The following TOPAZ1 variants were observed in gnomAD, a reference collection of about 807,000 sequenced individuals.
The protein encoded by TOPAZ1 is testis and ovary specific TOPAZ 1, also known as protein TOPAZ1.
Under a neutral mutation model 172.2 loss-of-function variants are expected in TOPAZ1, and 66 were observed. The observed-to-expected ratio is 0.38, with a 90% CI of 0.31 to 0.47. The LOEUF (loss-of-function observed/expected upper bound fraction) is 0.47, where lower values mean the gene tolerates loss of function less well. Ranked by LOEUF, TOPAZ1 falls within the 20% of genes least tolerant of loss-of-function variation. TOPAZ1 has a pLI of 0.99. For missense variants in TOPAZ1, 1,822 were observed against 1,972.4 expected (o/e 0.92, Z 1.44); for synonymous variants, 681 against 683.9 (o/e 1.00, Z 0.07).
downstream of TOPAZ1, among the ~76,000 whole-genome samples, chr3:44,332,672 A>T (rs1162973518): frequency 1.3e-5 from 2 of 152,212 alleles, no homozygotes; most frequent in Non-Finnish European, 2.9e-5. Context: ...TCATATTCAG[A>T]ATCTGTATCA....
intron 16 of TOPAZ1, among the ~76,000 whole-genome samples, chr3:44,313,394 G>A (rs1471119471): frequency 2.6e-5 from 4 of 151,780 alleles, no homozygotes; most frequent in South Asian, 2.1e-4. Flanking sequence ...GGCGGATCAC[G>A]AGGTCAGGAG....
chr3:44,257,581 A>G (rs1699729686), intron 4 of TOPAZ1, among the ~76,000 whole-genome samples: 1 of 150,770 alleles, frequency 6.6e-6, no homozygotes, highest in African/African-American at 2.4e-5. Flanking sequence ...TTACCATGGT[A>G]GTAATTACTT....
chr3:44,302,003 T>C (rs967284991), intron 12 of TOPAZ1, among the ~76,000 whole-genome samples: 4 of 152,236 alleles, frequency 2.6e-5, no homozygotes, highest in South Asian at 2.1e-4. Flanking sequence ...ACTTCATTTT[T>C]ACAGTTAGGT....
intron 11 of TOPAZ1, among the ~76,000 whole-genome samples, chr3:44,288,929 G>A (rs1435773166): frequency 6.6e-6 from 1 of 152,100 alleles, no homozygotes; most frequent in East Asian, 1.9e-4. Flanking sequence ...CTATTTCAGG[G>A]TTCAGTAATA....
chr3:44,263,113 A>T (rs1490451881), intron 5 of TOPAZ1, among the ~76,000 whole-genome samples: 1 of 152,192 alleles, frequency 6.6e-6, no homozygotes, highest in East Asian at 1.9e-4. Context: ...GGATGGGCCT[A>T]TCAATCTGTT....
chr3:44,294,977 C>A (rs573480830), intron 12 of TOPAZ1, among the ~76,000 whole-genome samples: 1 of 152,186 alleles, frequency 6.6e-6, no homozygotes, highest in South Asian at 2.1e-4. Flanking sequence ...AAAACTTTCA[C>A]ATTTAAAGTG....
chr3:44,271,742 CT>C (rs918994350), intron 8 of TOPAZ1, among the ~76,000 whole-genome samples: 22 of 151,880 alleles, frequency 1.4e-4, no homozygotes, highest in African/African-American at 5.3e-4. Flanking sequence ...AAGATACTAT[CT>C]TTTTTTGTGG....
chr3:44,246,047 A>T lies in TOPAZ1; in HGVS notation c.2765+776A>T, dbSNP rs186342636. On this transcript the variant is annotated intron_variant, in intron 2 of 19. Coordinates refer to ENST00000309765, the MANE Select transcript of TOPAZ1 (RefSeq NM_001145030.2). ...TTCAGGGGACAGAGACGCCTTGGAA[A>T]TTTTTATTTGAAGTAATTAGGGCTT... Among the ~76,000 whole-genome samples, 633 of 152,318 alleles carry T rather than the reference A, an allele frequency of 4.2e-3. 10 individuals are homozygous for T. Among genetic ancestry groups the T allele is most frequent in the African/African-American group, 0.015 (605 of 41,566 alleles).
At chr3:44,305,490 C>T (rs1372254182) in intron 14 of TOPAZ1, among the ~76,000 whole-genome samples, 169 bp downstream of exon 14, 1 of 152,176 alleles carries the variant, frequency 6.6e-6, no homozygotes, top group Admixed American at 6.5e-5. Context: ...CTGCCTCAGC[C>T]TCCCAAGTAG....
At chr3:44,315,912 T>G (rs1040154191) in intron 16 of TOPAZ1, among the ~76,000 whole-genome samples, 1 of 151,984 alleles carries the variant, frequency 6.6e-6, no homozygotes, top group Admixed American at 6.6e-5. Context: ...TTTGCTTGAG[T>G]TTTTATAGTA....
intron 5 of TOPAZ1, among the ~76,000 whole-genome samples, chr3:44,265,327 C>A (rs553690276): frequency 1.3e-4 from 20 of 152,120 alleles, no homozygotes; most frequent in Non-Finnish European, 2.5e-4. Context: ...TTCGGGAGGC[C>A]AAGGTGGGTG....
At chr3:44,303,138 A>G (rs1472156476) in intron 12 of TOPAZ1, among the ~76,000 whole-genome samples, 3 of 152,158 alleles carry the variant, frequency 2.0e-5, no homozygotes, top group Non-Finnish European at 2.9e-5. Context: ...CAGGCTGTCT[A>G]TCTAGTTTAA....
intron 12 of TOPAZ1, among the ~76,000 whole-genome samples, chr3:44,291,839 C>T (rs1700141818): frequency 6.6e-6 from 1 of 152,120 alleles, no homozygotes; most frequent in African/African-American, 2.4e-5. Flanking sequence ...CCAGAAATCT[C>T]CAATATGGAG....
intron 19 of TOPAZ1, among the ~76,000 whole-genome samples, chr3:44,330,450 CCTCT>C (rs1425579638): frequency 6.6e-6 from 1 of 152,186 alleles, no homozygotes; most frequent in Non-Finnish European, 1.5e-5. Context: ...GTTACATTTA[CCTCT>C]CTCTATGAGA....
intron 2 of TOPAZ1, among the ~76,000 whole-genome samples, chr3:44,249,092 T>G (rs969939948): frequency 1.4e-4 from 21 of 152,180 alleles, no homozygotes; most frequent in African/African-American, 5.1e-4. Context: ...GATCTGAGGA[T>G]TTCCATAATA....
chr3:44,290,935 G>A (rs1202368137), intron 12 of TOPAZ1, 49 bp downstream of exon 12: 5 of 1,233,718 alleles, frequency 4.1e-6, no homozygotes, highest in East Asian at 2.7e-5. Flanking sequence ...GTCTTGGTGG[G>A]GACTTATAAA....
Position 44,243,504 on chromosome 3 carries a change from G to A in TOPAZ1, c.998G>A (p.Arg333Lys). Residue 333 changes from arginine to lysine, a missense_variant, in exon 2 of 20, where the codon AGG becomes AAG. Physicochemically the swap from Arg to Lys is conservative, Grantham distance 26. Around this residue, in one of 2 missense-constraint regions of TOPAZ1, gnomAD observed 1,489 missense variants for 1,490.8 expected, o/e 1.00. Transcript: ENST00000309765. ...AGTGTTGGGCGAAAACCCAGGAAAA[G>A]GATGAAGTTGTCTGAAAAAGCAGAT... ...ESSVGRKPRK[R>K]MKLSEKADET... 1 of 1,551,666 alleles carries A rather than the reference G, an allele frequency of 6.4e-7. No individual in the cohort carries two copies. Among genetic ancestry groups the A allele is most frequent in the Non-Finnish European group, 8.7e-7 (1 of 1,146,950 alleles).
In TOPAZ1 at chr3:44,244,778, T is replaced by G; in HGVS notation, c.2272T>G (p.Ser758Ala). The G allele has an allele frequency of 6.4e-7, 1 of 1,551,600 alleles. No homozygotes were observed. The highest frequency in any genetic ancestry group is 8.7e-7 in the Non-Finnish European group (1 of 1,146,970). ...TAGTGTAACTCCAGTGCAAGCTAGT[T>G]CTGACTCATTCTACAATAAGAAATC... ...RNSVTPVQAS[S>A]DSFYNKKSYS... The change falls in exon 2 of 20, where the codon TCT becomes GCT. Residue 758 changes from serine to alanine, a missense_variant. By Grantham distance (99) the Ser-to-Ala change is moderately conservative. Coordinates refer to ENST00000309765, the MANE Select transcript of TOPAZ1 (RefSeq NM_001145030.2).
At chr3:44,257,567 A>G (rs1465601522) in intron 4 of TOPAZ1, among the ~76,000 whole-genome samples, 1 of 149,658 alleles carries the variant, frequency 6.7e-6, no homozygotes, top group Non-Finnish European at 1.5e-5. Context: ...GTCAATTTTT[A>G]GGTTTACCAT....
Sources: gnomAD v4.1 joint callset for allele counts (sites outside exome capture counted in the v4.1 genomes callset) on GRCh38, gnomAD v4.1.1 for gene constraint, gnomAD v4.1.1 regional missense constraint, MANE v1.5 for transcripts, NCBI Gene and HGNC (gene_info 2026-07-23, HGNC 2026-07-21) for gene names.